The following TAOK3 variants were observed in gnomAD, a reference collection of about 807,000 sequenced individuals.
TAOK3 encodes the protein TAO kinase 3.
TAOK3 carries 40 observed loss-of-function variants against 120.4 expected under a neutral mutation model. The observed-to-expected ratio is 0.33, with a 90% CI of 0.26 to 0.43. TAOK3 has a LOEUF of 0.43. Among genes scored for constraint, TAOK3 ranks in the 20% least tolerant of loss-of-function variants. The pLI is 1.00. For missense variants in TAOK3, 821 were observed against 1,112.1 expected (o/e 0.74, Z 3.72); for synonymous variants, 355 against 387.5 (o/e 0.92, Z 0.99).
At chr12:118,231,690 G>A (rs1032673334) in intron 9 of TAOK3, among the ~76,000 whole-genome samples, 24 of 152,038 alleles carry the variant, frequency 1.6e-4, no homozygotes, top group Non-Finnish European at 3.2e-4. Context: ...TTGGGAGGCC[G>A]AGGCGGGTGG....
In TAOK3 at chr12:118,313,924, T is replaced by G. The variant is rs182013740; in HGVS notation, c.-193-47165A>C. On this transcript the variant is annotated intron_variant, in intron 1 of 20. Coordinates refer to ENST00000392533, the MANE Select transcript of TAOK3 (RefSeq NM_016281.4). ...TTGCACAGTATAGTATTTCTCAAAT[T>G]GTTCTCCTTGCCATGCCTCTAATCC... 2.5e-3 allele frequency among the ~76,000 whole-genome samples: 380 copies of G among 152,340 alleles called. 7 individuals are homozygous for G. Among genetic ancestry groups the G allele is most frequent in the Non-Finnish European group, 7.6e-4 (52 of 68,034 alleles).
At chr12:118,234,212 ATTTTTTTTTTTTTTT>A (rs763473530) in intron 8 of TAOK3, among the ~76,000 whole-genome samples, 16 of 58,320 alleles carry the variant, frequency 2.7e-4, no homozygotes, top group South Asian at 9.3e-4. Context: ...AAAGCAGGAA[ATTTTTTTTTTTTTTT>A]TTTTTTTTTT....
intron 1 of TAOK3, among the ~76,000 whole-genome samples, chr12:118,288,971 C>T (rs895016454): frequency 2.8e-5 from 4 of 144,888 alleles, no homozygotes; most frequent in African/African-American, 1.0e-4. Flanking sequence ...TGCTTAGGAA[C>T]TATTTGGACA....
chr12:118,155,976 A>T (rs2034791957), intron 19 of TAOK3, among the ~76,000 whole-genome samples: 1 of 151,672 alleles, frequency 6.6e-6, no homozygotes, highest in African/African-American at 2.4e-5. Flanking sequence ...GCCTCAAGTG[A>T]CCCTTCCCAC....
intron 1 of TAOK3, among the ~76,000 whole-genome samples, chr12:118,285,258 GTCACGAAC>G (rs1160390386): frequency 2.0e-5 from 3 of 152,068 alleles, no homozygotes; most frequent in Non-Finnish European, 4.4e-5. Flanking sequence ...GTCCAGGCTG[GTCACGAAC>G]TCCTGACTTC....
At chr12:118,363,018 CAAAAAAAAAAAA>C (rs60475060) in intron 1 of TAOK3, among the ~76,000 whole-genome samples, 73 of 45,886 alleles carry the variant, frequency 1.6e-3, no homozygotes, top group African/African-American at 5.8e-3. Context: ...GACTCCGTAT[CAAAAAAAAAAAA>C]AAAAAAAAAA....
At chr12:118,303,240 C>T (rs2042938821) in intron 1 of TAOK3, among the ~76,000 whole-genome samples, 1 of 152,166 alleles carries the variant, frequency 6.6e-6, no homozygotes, top group Admixed American at 6.5e-5. Context: ...TTATCCTCCT[C>T]CTCTGTTTTT....
At chr12:118,221,893 T>C (rs374145113) in intron 9 of TAOK3, among the ~76,000 whole-genome samples, 3 of 151,760 alleles carry the variant, frequency 2.0e-5, no homozygotes, top group Admixed American at 6.6e-5. Flanking sequence ...CTCGGCCTCC[T>C]AAAGTGCTGG....
intron 1 of TAOK3, among the ~76,000 whole-genome samples, chr12:118,325,551 T>C (rs904903629): frequency 6.6e-6 from 1 of 152,312 alleles, no homozygotes; most frequent in South Asian, 2.1e-4. Context: ...TATTCAGATC[T>C]TTTGCCCATT....
At chr12:118,177,367 T>C (rs1279612376) in intron 15 of TAOK3, 38 bp from the exon 16 acceptor site, 5 of 1,602,908 alleles carry the variant, frequency 3.1e-6, no homozygotes, top group Non-Finnish European at 4.3e-6. Context: ...ATGAATCTAT[T>C]CTTTACACAG....
intron 1 of TAOK3, among the ~76,000 whole-genome samples, chr12:118,351,716 A>T (rs1228447067): frequency 6.6e-6 from 1 of 152,080 alleles, no homozygotes; most frequent in East Asian, 1.9e-4. Flanking sequence ...GCCTAATGGA[A>T]TTCCCTAATA....
At chr12:118,198,841 TA>T (rs999668679) in intron 13 of TAOK3, 1 of 578,144 alleles carries the variant, frequency 1.7e-6, no homozygotes, top group African/African-American at 1.9e-5. Flanking sequence ...GACATCAGAG[TA>T]ATGAGAGAGG....
At chr12:118,204,353 T>G (rs2038186824) in intron 11 of TAOK3, among the ~76,000 whole-genome samples, 1 of 151,816 alleles carries the variant, frequency 6.6e-6, no homozygotes, top group African/African-American at 2.4e-5. Flanking sequence ...ATTGGGAAAA[T>G]GAGATATAAT....
Position 118,352,877 on chromosome 12 carries a change from G to C in TAOK3, c.-194+19771C>G, listed in dbSNP as rs147344510. Among the ~76,000 whole-genome samples the C allele has an allele frequency of 8.5e-5, 13 of 152,078 alleles. No homozygotes were observed. In the East Asian group the frequency reaches 2.5e-3, roughly 30 times the overall value. On this transcript the variant is annotated intron_variant, in intron 1 of 20. Transcript: ENST00000392533. ...AGGTGTGTGCCACCATGCCTGGCTA[G>C]TTTTGTATTTTTAGTAGAGACAAGG...
intron 1 of TAOK3, among the ~76,000 whole-genome samples, chr12:118,289,296 CAAA>C (rs59297201): frequency 3.8e-5 from 3 of 78,712 alleles, no homozygotes; most frequent in Admixed American, 1.6e-4. Flanking sequence ...AAGACTGTCT[CAAA>C]AAAAAAAAAA....
chr12:118,294,383 T>C (rs551546), intron 1 of TAOK3, among the ~76,000 whole-genome samples: 5,355 of 151,980 alleles, frequency 0.035, 135 homozygotes, highest in Non-Finnish European at 0.054. Context: ...TTCTTTTCTT[T>C]TCTTTTTTTT....
intron 1 of TAOK3, among the ~76,000 whole-genome samples, chr12:118,353,305 G>A (rs1307266644): frequency 6.6e-6 from 1 of 152,092 alleles, no homozygotes; most frequent in Non-Finnish European, 1.5e-5. Context: ...TGAAGGAATG[G>A]TAAAATCTGC....
intron 14 of TAOK3, among the ~76,000 whole-genome samples, chr12:118,182,002 T>C (rs1176719106): frequency 1.3e-5 from 2 of 152,206 alleles, no homozygotes; most frequent in African/African-American, 4.8e-5. Flanking sequence ...CTGGCCAACA[T>C]GGTAAAACCC....
At chr12:118,261,826 AG>A (rs2041240876) in intron 2 of TAOK3, among the ~76,000 whole-genome samples, 1 of 152,192 alleles carries the variant, frequency 6.6e-6, no homozygotes, top group Non-Finnish European at 1.5e-5. Context: ...TTTATTAAAA[AG>A]TACAGAAGAT....
Sources: allele counts gnomAD v4.1 joint callset (sites outside exome capture counted in the v4.1 genomes callset), GRCh38; gene constraint gnomAD v4.1.1; transcripts MANE v1.5; gene names NCBI Gene and HGNC (gene_info 2026-07-23, HGNC 2026-07-21).